CDH18: variants seen among roughly 807,000 people sequenced by gnomAD.
CDH18 encodes the protein cadherin 18.
A neutral mutation model predicts 67.9 loss-of-function variants in CDH18; 31 were observed. That is an observed-to-expected ratio of 0.46 (90% CI 0.34 to 0.62). The LOEUF (loss-of-function observed/expected upper bound fraction) is 0.62. Ranked by LOEUF, CDH18 falls within the 20% of genes least tolerant of loss-of-function variation. CDH18 has a pLI of 0.01. For synonymous variants in CDH18, 362 were observed against 347.2 expected (o/e 1.04, Z -0.48); for missense variants, 890 against 975.5 (o/e 0.91, Z 1.17).
chr5:20,392,035 G>A (rs1381015521), intron 1 of CDH18, among the ~76,000 whole-genome samples: 1 of 151,720 alleles, frequency 6.6e-6, no homozygotes, highest in East Asian at 1.9e-4. Context: ...TTTTGAAATT[G>A]CAATGGCAAA....
chr5:20,517,050 A>G (rs1298304284), intron 1 of CDH18, among the ~76,000 whole-genome samples: 2 of 151,918 alleles, frequency 1.3e-5, no homozygotes, highest in African/African-American at 2.4e-5. Context: ...AGAATTATGT[A>G]TATTTTGGTA....
intron 2 of CDH18, among the ~76,000 whole-genome samples, chr5:20,229,334 C>T (rs1385087308): frequency 6.6e-6 from 1 of 151,998 alleles, no homozygotes; most frequent in African/African-American, 2.4e-5. Context: ...CTTCACCTAA[C>T]CAATTTAATG....
At chr5:20,272,913 A>G (rs1379756261) in intron 1 of CDH18, among the ~76,000 whole-genome samples, 1 of 152,104 alleles carries the variant, frequency 6.6e-6, no homozygotes, top group Non-Finnish European at 1.5e-5. Flanking sequence ...AAAGTTTTCA[A>G]TGTAATAGCT....
chr5:19,612,610 G>T lies in CDH18; in HGVS notation c.644-9C>A. 1.3e-6 allele frequency: 2 copies of T among 1,595,128 alleles called. No homozygotes were observed. The highest frequency in any genetic ancestry group is 1.7e-6 in the Non-Finnish European group (2 of 1,163,094). ...GGCCGTTCTAATAACTCCTGTAATA[G>T]ATATATTTTAATAAACAGTATGAGC... On this transcript the variant is annotated splice_polypyrimidine_tract_variant and intron_variant, in intron 5 of 12. Coordinates refer to ENST00000382275, the MANE Select transcript of CDH18 (RefSeq NM_004934.5).
At chr5:20,250,962 C>G (rs1309398512) in intron 2 of CDH18, among the ~76,000 whole-genome samples, 1 of 152,108 alleles carries the variant, frequency 6.6e-6, no homozygotes, top group East Asian at 1.9e-4. Flanking sequence ...AAATTCTTCC[C>G]CTTTACATTG....
intron 5 of CDH18, among the ~76,000 whole-genome samples, chr5:19,684,654 G>A (rs961225972): frequency 1.3e-5 from 2 of 151,288 alleles, no homozygotes; most frequent in Non-Finnish European, 2.9e-5. Flanking sequence ...TAAAAACAAT[G>A]TTAATTTTTA....
At chr5:20,429,432 C>A (rs1264517215) in intron 1 of CDH18, among the ~76,000 whole-genome samples, 1 of 152,094 alleles carries the variant, frequency 6.6e-6, no homozygotes, top group Non-Finnish European at 1.5e-5. Flanking sequence ...CCCAGAATCA[C>A]TAATTTGATC....
intron 3 of CDH18, among the ~76,000 whole-genome samples, chr5:19,808,770 G>T (rs964406897): frequency 6.9e-6 from 1 of 145,326 alleles, no homozygotes; most frequent in African/African-American, 2.5e-5. Flanking sequence ...GGTGGAGCTT[G>T]TGGTGAGCCA....
chr5:20,475,654 C>T lies in CDH18; in HGVS notation c.-580+99808G>A, dbSNP rs528703985. On this transcript the variant is annotated intron_variant, in intron 1 of 14. Coordinates refer to the CDH18 transcript ENST00000507958. ...ATTTGAACAGTCTAGGTAAATAATA[C>T]TGTCAATTTATATAATAATTATACC... 2.6e-5 allele frequency among the ~76,000 whole-genome samples: 4 copies of T among 152,200 alleles called. No individual in the cohort carries two copies. In the South Asian group the frequency reaches 8.3e-4, roughly 32 times the overall value.
intron 1 of CDH18, among the ~76,000 whole-genome samples, chr5:20,390,974 G>C (rs980723295): frequency 2.0e-5 from 3 of 151,914 alleles, no homozygotes; most frequent in African/African-American, 7.3e-5. Flanking sequence ...TCACACACTG[G>C]GGCCTGTTGT....
chr5:20,385,792 A>T (rs1314626890), intron 1 of CDH18, among the ~76,000 whole-genome samples: 1 of 152,232 alleles, frequency 6.6e-6, no homozygotes, highest in African/African-American at 2.4e-5. Flanking sequence ...ACAAATATAC[A>T]TCTAAATATA....
intron 2 of CDH18, among the ~76,000 whole-genome samples, chr5:20,189,713 T>G (rs1324797411): frequency 1.3e-5 from 2 of 152,122 alleles, no homozygotes; most frequent in Non-Finnish European, 2.9e-5. Context: ...TAAGTCCAAT[T>G]TATACTACCT....
intron 2 of CDH18, among the ~76,000 whole-genome samples, chr5:20,098,487 CAG>C (rs1365556539): frequency 2.6e-5 from 4 of 152,016 alleles, no homozygotes; most frequent in Non-Finnish European, 5.9e-5. Flanking sequence ...CCCCATTTTC[CAG>C]AGTTTCCCAA....
Position 20,444,814 on chromosome 5 carries a change from C to T in CDH18, c.-580+130648G>A, listed in dbSNP as rs141944442. Among the ~76,000 whole-genome samples, 273 of 149,516 alleles carry T rather than the reference C, an allele frequency of 1.8e-3. 4 individuals carry two copies. In the East Asian group the frequency reaches 0.042, roughly 23 times the overall value. On this transcript the variant is annotated intron_variant, in intron 1 of 14. Transcript: ENST00000507958. ...TTTTTCTGGCCATCACCGTTCACTG[C>T]GACTACATTTTATAAAAAGAAAATA... is the stretch of plus-strand genomic sequence containing the variant.
intron 12 of CDH18, 125 bp from the exon 13 acceptor site, chr5:19,473,841 T>G (rs759287440): frequency 3.8e-6 from 3 of 781,658 alleles, no homozygotes; most frequent in Non-Finnish European, 6.3e-6. Flanking sequence ...AGGCTGGCAT[T>G]GCAGCACAAC....
intron 1 of CDH18, among the ~76,000 whole-genome samples, chr5:20,508,683 C>A (rs1298363495): frequency 6.6e-6 from 1 of 151,888 alleles, no homozygotes; most frequent in Non-Finnish European, 1.5e-5. Context: ...GAAAAGCTAG[C>A]TTTATACAAT....
intron 2 of CDH18, among the ~76,000 whole-genome samples, chr5:19,931,162 A>G (rs1793649718): frequency 1.3e-5 from 2 of 152,016 alleles, no homozygotes; most frequent in Non-Finnish European, 2.9e-5. Flanking sequence ...TAAGAATATC[A>G]TAACCCTTCA....
intron 1 of CDH18, among the ~76,000 whole-genome samples, chr5:20,432,869 A>C (rs993182358): frequency 6.6e-6 from 1 of 150,992 alleles, no homozygotes; most frequent in African/African-American, 2.4e-5. Flanking sequence ...TAAAAGTGAC[A>C]TATTAAGTGT....
chr5:19,670,797 T>A (rs1294990687), intron 5 of CDH18, among the ~76,000 whole-genome samples: 1 of 152,026 alleles, frequency 6.6e-6, no homozygotes, highest in Non-Finnish European at 1.5e-5. Flanking sequence ...TAATGTATTA[T>A]TAATGGGAAT....
Sources: allele counts gnomAD v4.1 joint callset (sites outside exome capture counted in the v4.1 genomes callset), GRCh38; gene constraint gnomAD v4.1.1; transcripts MANE v1.5; gene names NCBI Gene and HGNC (gene_info 2026-07-23, HGNC 2026-07-21).